The following TYW3 variants were observed in gnomAD, a reference collection of about 807,000 sequenced individuals.
TYW3 encodes tRNA wybutosine-synthesizing protein 3 homolog.
In TYW3, 26 loss-of-function variants were observed where a neutral mutation model predicts 23.1. The observed-to-expected ratio is 1.13, with a 90% confidence interval of 0.83 to 1.56. The LOEUF (loss-of-function observed/expected upper bound fraction) is 1.56. Among genes scored for constraint, TYW3 ranks in the 40% most tolerant of loss-of-function variants. The pLI is 0.00. For missense variants in TYW3, 316 were observed against 311.9 expected (o/e 1.01, Z -0.10); for synonymous variants, 102 against 105.7 (o/e 0.97, Z 0.21).
rs1386987964 is a variant in TYW3 at position 74,764,519 on chromosome 1, G to C, written c.*406G>C. 1 of 153,928 alleles carries C rather than the reference G, an allele frequency of 6.5e-6. No homozygotes were observed. The highest frequency in any genetic ancestry group is 1.4e-5 in the Non-Finnish European group (1 of 69,402). 9.5% of individuals were successfully genotyped at this position (153,928 alleles called of 1,614,324 possible). On this transcript the variant is annotated 3_prime_UTR_variant, in exon 6 of 6. Transcript: ENST00000370867. Reference sequence around the variant, plus strand: ...AAAGACCTTTATTTTAAATAATAGTGGATATTTTAATGCTGGAAATTAGCA... The same window carrying C: ...AAAGACCTTTATTTTAAATAATAGTCGATATTTTAATGCTGGAAATTAGCA...
intron 5 of TYW3, among the ~76,000 whole-genome samples, chr1:74,755,715 A>G (rs1480203901): frequency 6.6e-6 from 1 of 152,238 alleles, no homozygotes; most frequent in Non-Finnish European, 1.5e-5. Flanking sequence ...CAAAGAAAGC[A>G]TATTGGAAGA....
chr1:74,754,996 G>A (rs1373713918), intron 5 of TYW3, among the ~76,000 whole-genome samples: 1 of 152,202 alleles, frequency 6.6e-6, no homozygotes, highest in Non-Finnish European at 1.5e-5. Flanking sequence ...ACATGGGTCA[G>A]ATGAAACCAT....
chr1:74,765,485 C>T lies in TYW3; in HGVS notation c.*1372C>T, dbSNP rs554121358. The T allele has an allele frequency of 1.3e-5, 2 of 152,222 alleles. No homozygotes were observed. Among genetic ancestry groups the T allele is most frequent in the South Asian group, 4.1e-4 (2 of 4,820 alleles). 9.4% of individuals were successfully genotyped at this position (152,222 alleles called of 1,614,324 possible). A position where few individuals can be genotyped will look rare whatever the true frequency, so the allele number is the denominator to read the frequency against. ...TTGTGCAGTGCACATTCTTATCTAC[C>T]AACATATACAGCAGTCCTTCTGGGA... On this transcript the variant is annotated 3_prime_UTR_variant, in exon 6 of 6. Coordinates refer to ENST00000370867, the MANE Select transcript of TYW3 (RefSeq NM_138467.3).
chr1:74,759,374 CTT>C (rs573044759), intron 5 of TYW3, among the ~76,000 whole-genome samples: 20 of 135,076 alleles, frequency 1.5e-4, no homozygotes, highest in Non-Finnish European at 2.4e-4. Flanking sequence ...CTTTTCTTTT[CTT>C]TTTTTTTTTT....
intron 1 of TYW3, 106 bp from the exon 2 acceptor site, chr1:74,736,436 G>A: frequency 1.3e-6 from 1 of 741,614 alleles, no homozygotes; most frequent in Non-Finnish European, 2.0e-6. Context: ...TTAAAATCCT[G>A]ACTTGGGATT....
chr1:74,744,093 T>C (rs1381056827), intron 3 of TYW3, among the ~76,000 whole-genome samples: 1 of 152,138 alleles, frequency 6.6e-6, no homozygotes, highest in Non-Finnish European at 1.5e-5. Flanking sequence ...GCTTGTTTCC[T>C]TCTGGGAGGG....
intron 3 of TYW3, among the ~76,000 whole-genome samples, chr1:74,746,730 G>A (rs182921359): frequency 6.6e-6 from 1 of 152,292 alleles, no homozygotes; most frequent in African/African-American, 2.4e-5. Context: ...GAGAGTCAGG[G>A]GAGAGCTGCA....
chr1:74,737,079 T>C (rs1356066263), intron 2 of TYW3, among the ~76,000 whole-genome samples: 2 of 152,234 alleles, frequency 1.3e-5, no homozygotes, highest in Non-Finnish European at 2.9e-5. Context: ...GTAAAGAGTT[T>C]AGATGAATTC....
At chr1:74,742,178 G>A (rs774981526) in intron 3 of TYW3, among the ~76,000 whole-genome samples, 1 of 152,168 alleles carries the variant, frequency 6.6e-6, no homozygotes, top group Non-Finnish European at 1.5e-5. Context: ...CTCTGGGATA[G>A]TGACCTACTC....
intron 5 of TYW3, among the ~76,000 whole-genome samples, chr1:74,762,814 A>G (rs796416073): frequency 6.6e-6 from 1 of 152,156 alleles, no homozygotes; most frequent in African/African-American, 2.4e-5. Context: ...ACACCATGCT[A>G]TGCTGCCTGC....
In TYW3 at chr1:74,765,088, A is replaced by C. The variant is rs1649256359; in HGVS notation, c.*975A>C. On this transcript the variant is annotated 3_prime_UTR_variant, in exon 6 of 6. Transcript: ENST00000370867. ...CGCAGATCTTCCAAACCAGAATCTT[A>C]ATCCTGGAGTCTAGGAATCTTTATT... 1.3e-5 allele frequency: 2 copies of C among 152,178 alleles called. No homozygotes were observed. Among genetic ancestry groups the C allele is most frequent in the African/African-American group, 4.8e-5 (2 of 41,446 alleles). 9.4% of individuals were successfully genotyped at this position (152,178 alleles called of 1,614,324 possible).
At chr1:74,736,340 A>G (rs1648153193) in intron 1 of TYW3, 1 of 386,376 alleles carries the variant, frequency 2.6e-6, no homozygotes, top group East Asian at 4.3e-5. Context: ...TACCTTTCAC[A>G]TAATTTTCTA....
At chr1:74,733,541 G>A in intron 1 of TYW3, 123 bp downstream of exon 1, 1 of 1,446,440 alleles carries the variant, frequency 6.9e-7, no homozygotes, top group South Asian at 1.5e-5. Flanking sequence ...GGTGGTCTCT[G>A]TTTCTTTATA....
chr1:74,757,033 T>G (rs1479448943), intron 5 of TYW3, among the ~76,000 whole-genome samples: 1 of 152,196 alleles, frequency 6.6e-6, no homozygotes, highest in Non-Finnish European at 1.5e-5. Context: ...AGTCAAGAAT[T>G]GGCATCTGGG....
chr1:74,757,182 G>A (rs1278288309), intron 5 of TYW3, among the ~76,000 whole-genome samples: 1 of 152,196 alleles, frequency 6.6e-6, no homozygotes, highest in Non-Finnish European at 1.5e-5. Context: ...CCCCCACACA[G>A]AGTCCCTACT....
intron 3 of TYW3, among the ~76,000 whole-genome samples, chr1:74,741,201 G>C (rs1270706224): frequency 6.6e-6 from 1 of 152,166 alleles, no homozygotes; most frequent in African/African-American, 2.4e-5. Context: ...CCATTAAAGG[G>C]GTAAAGAGAG....
chr1:74,751,529 CA>C (rs1316550298), intron 4 of TYW3: 1 of 152,102 alleles, frequency 6.6e-6, no homozygotes, highest in African/African-American at 2.4e-5. Context: ...CAAAATTAGC[CA>C]GGCGTGGCGC....
chr1:74,735,535 G>A (rs1648122012), intron 1 of TYW3, among the ~76,000 whole-genome samples: 1 of 152,010 alleles, frequency 6.6e-6, no homozygotes, highest in Admixed American at 6.5e-5. Context: ...AGGATTTGGG[G>A]CAACTTACAA....
At chr1:74,742,820 T>G (rs555246668) in intron 3 of TYW3, among the ~76,000 whole-genome samples, 2 of 152,258 alleles carry the variant, frequency 1.3e-5, no homozygotes, top group South Asian at 4.1e-4. Context: ...CAATCACAAC[T>G]GAGGAGGTAG....
Sources: gnomAD v4.1 joint callset for allele counts (sites outside exome capture counted in the v4.1 genomes callset) on GRCh38, gnomAD v4.1.1 for gene constraint, MANE v1.5 for transcripts, NCBI Gene and HGNC (gene_info 2026-07-23, HGNC 2026-07-21) for gene names.